PBX3: variants seen among roughly 807,000 people sequenced by gnomAD.
PBX3 encodes the protein PBX homeobox 3.
In PBX3, 14 loss-of-function variants were observed where a neutral mutation model predicts 48.5. The observed-to-expected ratio is 0.29, with a 90% CI of 0.19 to 0.45. The LOEUF is 0.45. Among genes scored for constraint, PBX3 ranks in the 20% least tolerant of loss-of-function variants. PBX3 has a pLI of 1.00. For synonymous variants in PBX3, 210 were observed against 200.3 expected, an observed-to-expected ratio of 1.05 and a Z score of -0.41; for missense variants, 386 against 546.7, an observed-to-expected ratio of 0.71 and a Z score of 2.93.
chr9:125,790,362 C>T (rs1359128442), intron 2 of PBX3, among the ~76,000 whole-genome samples: 1 of 150,874 alleles, frequency 6.6e-6, no homozygotes, highest in Non-Finnish European at 1.5e-5. Context: ...AAGTGATTCT[C>T]GTGCTTCAGC....
chr9:125,867,756 A>C (rs535774399), intron 2 of PBX3, among the ~76,000 whole-genome samples: 1,648 of 151,454 alleles, frequency 0.011, 15 homozygotes, highest in Middle Eastern at 0.028. Flanking sequence ...CTCTCTCTAT[A>C]TATATATACA....
In PBX3 at chr9:125,962,161, CTGA is replaced by C; in HGVS notation, c.1070_1072del (p.Leu357_Asn358delinsHis). ...GGACATGTTCATGAACATGCAGAGT[CTGA>C]ATGGGGATTCTTACCAAGGGTCCCA... On this transcript the variant is annotated inframe_deletion, in exon 7 of 9. Transcript: ENST00000373489. 1 of 1,613,440 alleles carries C rather than the reference CTGA, an allele frequency of 6.2e-7. No homozygotes were observed. Among genetic ancestry groups the C allele is most frequent in the Admixed American group, 1.7e-5 (1 of 60,020 alleles).
At position 125,874,213 on chromosome 9, in the gene PBX3, A is replaced by G. The variant is rs188783174; in HGVS notation, c.275-41473A>G. Among the ~76,000 whole-genome samples, 712 of 152,120 alleles carry G rather than the reference A, an allele frequency of 4.7e-3. 7 individuals are homozygous for G. The highest frequency in any genetic ancestry group is 0.016 in the African/African-American group (658 of 41,394). On this transcript the variant is annotated intron_variant, in intron 2 of 8. Transcript: ENST00000373489. ...AAAACCAGTAGTTTAAAATATTGCC[A>G]TAAAGAGAACATCAGGACCAGAGGA...
chr9:125,915,588 G>A (rs1021592841), intron 2 of PBX3, 98 bp from the exon 3 acceptor site: 2 of 850,772 alleles, frequency 2.4e-6, no homozygotes, highest in Non-Finnish European at 1.8e-6. Context: ...GTACACTGAT[G>A]TTGTTTGATC....
intron 2 of PBX3, among the ~76,000 whole-genome samples, chr9:125,837,920 C>CT (rs1475658451): frequency 6.6e-6 from 1 of 152,108 alleles, no homozygotes; most frequent in African/African-American, 2.4e-5. Flanking sequence ...TTTTGTTGGT[C>CT]TTTTTTCAAA....
At chr9:125,886,301 A>G (rs1588259964) in intron 2 of PBX3, among the ~76,000 whole-genome samples, 1 of 152,252 alleles carries the variant, frequency 6.6e-6, no homozygotes, top group East Asian at 1.9e-4. Flanking sequence ...TAGTTTATAT[A>G]GGCCTCTGCC....
At chr9:125,762,655 T>C (rs926321092) in intron 2 of PBX3, among the ~76,000 whole-genome samples, 2 of 152,240 alleles carry the variant, frequency 1.3e-5, no homozygotes, top group African/African-American at 2.4e-5. Context: ...ATAATTCTTA[T>C]TGGCCGCTGT....
intron 2 of PBX3, among the ~76,000 whole-genome samples, chr9:125,784,725 A>G (rs984239460): frequency 1.3e-5 from 2 of 152,222 alleles, no homozygotes; most frequent in Admixed American, 6.5e-5. Context: ...CAAAAAGAAG[A>G]AAGGAAAAAA....
chr9:125,870,659 A>G (rs576616689), intron 2 of PBX3, among the ~76,000 whole-genome samples: 263 of 152,352 alleles, frequency 1.7e-3, no homozygotes, highest in Non-Finnish European at 3.1e-3. Flanking sequence ...AAACCCTATC[A>G]CCATGTAAAA....
chr9:125,751,107 T>A (rs983109386), intron 2 of PBX3, among the ~76,000 whole-genome samples: 1 of 152,248 alleles, frequency 6.6e-6, no homozygotes, highest in Non-Finnish European at 1.5e-5. Flanking sequence ...AAATATTTTT[T>A]AAAAATCATT....
At chr9:125,793,845 G>A (rs12237447) in intron 2 of PBX3, among the ~76,000 whole-genome samples, 8,945 of 151,940 alleles carry the variant, frequency 0.059, 601 homozygotes, top group East Asian at 0.17. Flanking sequence ...AATGTAATAC[G>A]TTATATTAAA....
chr9:125,776,614 C>A (rs932711918), intron 2 of PBX3, among the ~76,000 whole-genome samples: 1 of 152,190 alleles, frequency 6.6e-6, no homozygotes, highest in Non-Finnish European at 1.5e-5. Context: ...TGGCTCACTG[C>A]AAACTCTGCC....
At chr9:125,875,877 A>G (rs1319473223) in intron 2 of PBX3, among the ~76,000 whole-genome samples, 1 of 152,216 alleles carries the variant, frequency 6.6e-6, no homozygotes, top group African/African-American at 2.4e-5. Flanking sequence ...CAAATTAGAA[A>G]CAAGAAGATG....
intron 5 of PBX3, among the ~76,000 whole-genome samples, chr9:125,940,973 A>G (rs956414722): frequency 6.6e-6 from 1 of 152,216 alleles, no homozygotes; most frequent in African/African-American, 2.4e-5. Flanking sequence ...ATTTGACTAA[A>G]AAGTTTACTT....
chr9:125,860,998 G>A (rs148505811), intron 2 of PBX3, among the ~76,000 whole-genome samples: 35 of 150,798 alleles, frequency 2.3e-4, no homozygotes, highest in Middle Eastern at 3.6e-3. Flanking sequence ...AATGAAAAAG[G>A]CAGGCCAGGC....
At chr9:125,945,355 G>T (rs938022050) in intron 5 of PBX3, among the ~76,000 whole-genome samples, 58 of 152,104 alleles carry the variant, frequency 3.8e-4, no homozygotes, top group African/African-American at 1.4e-3. Context: ...TTATTGTTAC[G>T]CAGTTTCTCC....
intron 2 of PBX3, among the ~76,000 whole-genome samples, chr9:125,841,232 AAAGC>A (rs1222409015): frequency 2.0e-5 from 3 of 152,194 alleles, no homozygotes; most frequent in Non-Finnish European, 4.4e-5. Flanking sequence ...TAAATCCTAA[AAAGC>A]CTTAGATCTT....
chr9:125,813,946 C>T (rs1231289527), intron 2 of PBX3, among the ~76,000 whole-genome samples: 1 of 146,786 alleles, frequency 6.8e-6, no homozygotes, highest in East Asian at 2.0e-4. Context: ...GGGCAGATAA[C>T]CTGAGGTCAG....
rs76606814 is a variant in PBX3, at chr9:125,919,610, A to C, written c.516+3683A>C. ...AAGCTTAATAGTAAATAGGAAGAAC[A>C]TATATGTTAAGGCAAAGGCTTCAAC... On this transcript the variant is annotated intron_variant, in intron 3 of 8. Transcript: ENST00000373489. Among the ~76,000 whole-genome samples the C allele has an allele frequency of 5.8e-3, 879 of 152,306 alleles. 11 individuals carry two copies. The highest frequency in any genetic ancestry group is 0.021 in the African/African-American group (860 of 41,570).
Sources: allele counts gnomAD v4.1 joint callset (sites outside exome capture counted in the v4.1 genomes callset), GRCh38; gene constraint gnomAD v4.1.1; transcripts MANE v1.5; gene names NCBI Gene and HGNC (gene_info 2026-07-23, HGNC 2026-07-21).